Variants in PPRC1 observed in about 807,000 individuals in gnomAD.
PPRC1 encodes PPARG related coactivator 1.
PPRC1 carries 23 observed loss-of-function variants against 132.5 expected under a neutral mutation model. The observed-to-expected ratio is 0.17, with a 90% CI of 0.12 to 0.25. PPRC1 has a LOEUF of 0.25. PPRC1 is among the 10% of genes least tolerant of loss of function. PPRC1 has a pLI of 1.00. For missense variants in PPRC1, 2,006 were observed against 2,089.1 expected, an observed-to-expected ratio of 0.96 and a Z score of 0.78; for synonymous variants, 872 against 833.5, an observed-to-expected ratio of 1.05 and a Z score of -0.80.
Position 102,140,815 on chromosome 10 carries a change from G to T in PPRC1, c.2307G>T (p.Glu769Asp), listed in dbSNP as rs1468546281. 2 of 1,613,740 alleles carry T rather than the reference G, an allele frequency of 1.2e-6. No individual in the cohort carries two copies. Among genetic ancestry groups the T allele is most frequent in the Non-Finnish European group, 1.7e-6 (2 of 1,179,984 alleles). ...AGCAACGCCAAGCAGAAACAGAAGAGAGAAGTCCACAGCCCCCAACTGGGA... is the reference window on the plus strand; with the variant it reads ...AGCAACGCCAAGCAGAAACAGAAGATAGAAGTCCACAGCCCCCAACTGGGA... ...RRQQRQAETE[E>D]RSPQPPTGKW... The change falls in exon 5 of 14, where the codon GAG (glutamate) becomes GAT (aspartate). Residue 769 changes from glutamate to aspartate, a missense_variant. Coordinates refer to ENST00000278070, the MANE Select transcript of PPRC1 (RefSeq NM_015062.5).
At chr10:102,125,922 GC>G in the PPRC1 span, among the ~76,000 whole-genome samples, 5 of 150,828 alleles carry the variant, frequency 3.3e-5, no homozygotes, top group African/African-American at 9.8e-5. Flanking sequence ...GAGTGCAGTG[GC>G]ACAATCTCGG....
chr10:102,144,304 C>A lies in PPRC1; in HGVS notation c.3605C>A (p.Ser1202Ter), dbSNP rs764378196. The stretch of plus-strand genomic sequence containing the variant: ...GCTGACAGCTTGGCTGTAGGAAACT[C>A]AGGGTAAGTATGGAGACATGAGCGA... ...APADSLAVGN[S>*]GGVDIPQEKR... The change falls in exon 7 of 14, where the codon TCA (serine) becomes TAA (stop). Residue 1202 changes from serine to a stop codon, truncating the protein, a stop_gained. Transcript: ENST00000278070. LOFTEE classifies it high-confidence loss of function. 6.2e-7 allele frequency: 1 copy of A among 1,613,774 alleles called. No individual in the cohort carries two copies.
In PPRC1 at chr10:102,141,428, A is replaced by G. The variant is rs757124491; in HGVS notation, c.2920A>G (p.Ser974Gly). ...CCCTCCTGCCCCAGTCTCACCTTAC[A>G]GTTCCACATGTACCTATGGGCCCTT... ...APPPAPVSPY[S>G]STCTYGPLGW... The change falls in exon 5 of 14, where the codon AGT becomes GGT. Residue 974 changes from serine (S) to glycine (G), a missense_variant. Ser to Gly is a moderately conservative substitution (Grantham distance 56). Around this residue, in one of 2 missense-constraint regions of PPRC1, gnomAD observed 1,914 missense variants for 1,917.2 expected, o/e 1.00. Transcript: ENST00000278070. 3.7e-6 allele frequency: 6 copies of G among 1,613,758 alleles called. No individual in the cohort carries two copies. Among genetic ancestry groups the G allele is most frequent in the Non-Finnish European group, 5.1e-6 (6 of 1,179,984 alleles).
chr10:102,144,366 C>T lies in PPRC1; in HGVS notation c.3608+59C>T, dbSNP rs1347439983. On this transcript the variant is annotated intron_variant, in intron 7 of 13. Coordinates refer to ENST00000278070, the MANE Select transcript of PPRC1 (RefSeq NM_015062.5). ...GCTGTTAGTCAGCAGCCGGCTGACA[C>T]TCCAGGACTGTCAACTGGATGCCTC... The T allele has an allele frequency of 6.0e-6, 9 of 1,512,450 alleles. No homozygotes were observed. In the South Asian group the frequency reaches 7.9e-5, roughly 13 times the overall value. The allele number at this position is 1,512,450 out of a possible 1,614,324, so 93.7% of individuals were successfully genotyped here.
Position 102,139,431 on chromosome 10 carries a change from T to C in PPRC1, c.923T>C (p.Leu308Pro), listed in dbSNP as rs1192441714. ...GDESISSLSE[L>P]VRAMHPYCLP... ...GAGAGCATCTCCTCCCTGAGTGAGC[T>C]GGTGCGGGCCATGCACCCATACTGC... Residue 308 changes from leucine to proline, a missense_variant, in exon 5 of 14, where the codon CTG becomes CCG. Physicochemically the swap from Leu to Pro is moderately conservative, Grantham distance 98. This residue lies in a region of PPRC1 where 1,914 missense variants were observed against 1,917.2 expected (regional missense o/e 1.00). Transcript: ENST00000278070. 6.2e-7 allele frequency: 1 copy of C among 1,614,242 alleles called. No homozygotes were observed. The highest frequency in any genetic ancestry group is 8.5e-7 in the Non-Finnish European group (1 of 1,180,052).
rs145965846 is a variant in PPRC1 at position 102,148,460 on chromosome 10, T to C, written c.4489T>C (p.Ser1497Pro). The C allele has an allele frequency of 1.6e-3, 2,600 of 1,612,290 alleles. 21 individuals carry two copies. Among genetic ancestry groups the C allele is most frequent in the East Asian group, 0.015 (676 of 44,878 alleles). Reference protein sequence around the residue: ...SSSSSSSSSSSSSRSRSRSPS... With the variant: ...SSSSSSSSSSPSSRSRSRSPS... ...CTCTTCGTCTTCCTCATCCTCATCA[T>C]CCAGTTCTCGAAGCCGCTCACGATC... The change falls in exon 10 of 14, where the codon TCC becomes CCC. Residue 1497 changes from serine (S) to proline (P), a missense_variant. Ser to Pro is a moderately conservative substitution (Grantham distance 74, BLOSUM62 -1). Around this residue, in one of 2 missense-constraint regions of PPRC1, gnomAD observed 1,914 missense variants for 1,917.2 expected, o/e 1.00. Transcript: ENST00000278070. This position sits in a 1 kb window ranked among gnomAD's most constrained non-coding sequence, Gnocchi z 4.2.
chr10:102,138,478 C>T, intron 2 of PPRC1, 141 bp from the exon 3 acceptor site: 1 of 1,013,236 alleles, frequency 9.9e-7, no homozygotes, highest in Non-Finnish European at 1.4e-6. Flanking sequence ...GGAATCCATG[C>T]CTTCTGGTAT....
Position 102,140,889 on chromosome 10 carries a change from G to A in PPRC1, c.2381G>A (p.Cys794Tyr). 1 of 1,614,066 alleles carries A rather than the reference G, an allele frequency of 6.2e-7. No homozygotes were observed. Among genetic ancestry groups the A allele is most frequent in the Non-Finnish European group, 8.5e-7 (1 of 1,180,018 alleles). Residue 794 changes from cysteine (C) to tyrosine (Y), a missense_variant, in exon 5 of 14, where the codon TGT becomes TAT. By Grantham distance (194) the Cys-to-Tyr change is radical (BLOSUM62 -2). Transcript: ENST00000278070. ...ETPTGLADIP[C>Y]LVIPPAPAKK... is the part of the protein sequence containing the mutation. ...CCCACAGGGCTGGCAGACATCCCTTGTCTTGTCATCCCACCAGCCCCAGCC... is the reference window on the plus strand; with the variant it reads ...CCCACAGGGCTGGCAGACATCCCTTATCTTGTCATCCCACCAGCCCCAGCC...
At position 102,143,073 on chromosome 10, in the gene PPRC1, G is replaced by C; in HGVS notation, c.3525G>C (p.Leu1175=). The part of the protein sequence containing the change: ...IGIEASDLSS[L]LEQFEKSEAK... ...TTGAGGCATCGGACCTGTCCAGTCT[G>C]CTGGAGCAGTTTGAGAAATCAGAAG... The change falls in exon 6 of 14, where the codon CTG becomes CTC. Residue 1175 remains leucine (L), a synonymous_variant. Transcript: ENST00000278070. The C allele has an allele frequency of 6.2e-7, 1 of 1,613,760 alleles. No homozygotes were observed. Among genetic ancestry groups the C allele is most frequent in the South Asian group, 1.1e-5 (1 of 91,066 alleles).
chr10:102,123,678 C>A, the PPRC1 span, among the ~76,000 whole-genome samples: 1 of 151,810 alleles, frequency 6.6e-6, no homozygotes, highest in African/African-American at 2.4e-5. Flanking sequence ...TTACAGGCAC[C>A]TGCCACCACG....
intron 7 of PPRC1, 31 bp downstream of exon 7, chr10:102,144,338 A>G (rs1373183507): frequency 6.2e-7 from 1 of 1,605,054 alleles, no homozygotes; most frequent in Admixed American, 1.7e-5. Context: ...GAGTTACCCT[A>G]CAGCTGTTAG....
the PPRC1 span, among the ~76,000 whole-genome samples, chr10:102,125,524 C>G: frequency 6.6e-6 from 1 of 152,252 alleles, no homozygotes; most frequent in African/African-American, 2.4e-5. Flanking sequence ...TCCCAAAGTG[C>G]TGGGATTACA....
At chr10:102,132,322 T>A (rs143254691), upstream of PPRC1, among the ~76,000 whole-genome samples, 22 of 152,382 alleles carry the variant, frequency 1.4e-4, no homozygotes, top group African/African-American at 5.3e-4. Context: ...GAGACAGTGA[T>A]GGACCGTAGA....
rs988277031 is a variant in PPRC1, at chr10:102,145,023, C to T, written c.3612C>T (p.Gly1204=). 9 of 1,600,228 alleles carry T rather than the reference C, an allele frequency of 5.6e-6. No homozygotes were observed. The highest frequency in any genetic ancestry group is 1.7e-5 in the Admixed American group (1 of 57,686). ...ADSLAVGNSG[G]VDIPQEKRPL... is the part of the protein sequence containing the mutation. ...TTCCCTTTTCCCCCCCCGCCAGCGG[C>T]GTTGACATTCCCCAGGAGAAGAGGC... Residue 1204 remains glycine (G), a synonymous_variant, in exon 8 of 14, where the codon GGC becomes GGT. Coordinates refer to ENST00000278070, the MANE Select transcript of PPRC1 (RefSeq NM_015062.5).
chr10:102,141,120 C>G lies in PPRC1; in HGVS notation c.2612C>G (p.Thr871Arg). 1.9e-6 allele frequency: 3 copies of G among 1,614,058 alleles called. No individual in the cohort carries two copies. In the South Asian group the frequency reaches 3.3e-5, roughly 18 times the overall value. ...CAGTCTGTGTCCCCTGCTGTGCCCA[C>G]ACCTCCCTCGATGTCTGCTGCCCTG... ...PVQSVSPAVP[T>R]PPSMSAALPF... The change falls in exon 5 of 14, where the codon ACA (threonine) becomes AGA (arginine). Residue 871 changes from threonine (T) to arginine (R), a missense_variant. Physicochemically the swap from Thr to Arg is moderately conservative, Grantham distance 71. Around this residue, in one of 2 missense-constraint regions of PPRC1, gnomAD observed 1,914 missense variants for 1,917.2 expected, o/e 1.00. Transcript: ENST00000278070.
intron 8 of PPRC1, among the ~76,000 whole-genome samples, chr10:102,146,237 T>G (rs2133707857): frequency 6.6e-6 from 1 of 152,268 alleles, no homozygotes; most frequent in South Asian, 2.1e-4. Flanking sequence ...TGAAGAAACT[T>G]TGCCAGATTG....
In PPRC1 at chr10:102,147,227, C is replaced by G. The variant is rs767053130; in HGVS notation, c.4235C>G (p.Ala1412Gly). 1 of 1,613,244 alleles carries G rather than the reference C, an allele frequency of 6.2e-7. No homozygotes were observed. Among genetic ancestry groups the G allele is most frequent in the African/African-American group, 1.3e-5 (1 of 75,066 alleles). The change falls in exon 9 of 14, where the codon GCC becomes GGC. Residue 1412 changes from alanine to glycine, a missense_variant. By Grantham distance (60) the Ala-to-Gly change is moderately conservative. Coordinates refer to ENST00000278070, the MANE Select transcript of PPRC1 (RefSeq NM_015062.5). The stretch of plus-strand genomic sequence containing the variant: ...TGTTACCGAAAAGCCTGCAGGTCAG[C>G]CAGCCCCTCAAGCCAGGGCTGGCAG... ...MRCYRKACRSASPSSQGWQGR... is the reference protein window; with the variant it reads ...MRCYRKACRSGSPSSQGWQGR...
chr10:102,128,374 C>T (rs1008907642), upstream of PPRC1, among the ~76,000 whole-genome samples: 2 of 151,368 alleles, frequency 1.3e-5, no homozygotes, highest in Middle Eastern at 3.2e-3. Flanking sequence ...TCCTGACCTC[C>T]CACATTTGAT....
Position 102,140,695 on chromosome 10 carries a change from T to G in PPRC1, c.2187T>G (p.Val729=). Residue 729 remains valine, a synonymous_variant, in exon 5 of 14, where the codon GTT becomes GTG. Transcript: ENST00000278070. ...PKTIIPEVKE[V]VDSLKIESGT... ...CCATCATCCCTGAAGTCAAAGAGGT[T>G]GTGGATTCTCTGAAAATTGAAAGTG... 3.1e-6 allele frequency: 5 copies of G among 1,614,076 alleles called. No individual in the cohort carries two copies. Among genetic ancestry groups the G allele is most frequent in the Non-Finnish European group, 4.2e-6 (5 of 1,180,020 alleles).
Sources: allele counts gnomAD v4.1 joint callset (sites outside exome capture counted in the v4.1 genomes callset), GRCh38; gene constraint gnomAD v4.1.1; regional missense constraint gnomAD v4.1.1; non-coding constraint Gnocchi (gnomAD v3.1); transcripts MANE v1.5; gene names NCBI Gene and HGNC (gene_info 2026-07-23, HGNC 2026-07-21).